The following RGS11 variants were observed in gnomAD, a reference collection of about 807,000 sequenced individuals.
The protein encoded by RGS11 is regulator of G protein signaling 11.
In RGS11, 86 loss-of-function variants were observed where a neutral mutation model predicts 71.1. The observed-to-expected ratio is 1.21, with a 90% CI of 1.02 to 1.45. The LOEUF (loss-of-function observed/expected upper bound fraction) is 1.45, where lower values mean the gene tolerates loss of function less well. Among genes scored for constraint, RGS11 ranks in the 40% most tolerant of loss-of-function variants. The probability of loss-of-function intolerance (pLI) is 0.00; values close to 1 mark genes in which losing one functional copy is unlikely to be tolerated. For synonymous variants in RGS11, 298 were observed against 254.2 expected (o/e 1.17, Z -1.64); for missense variants, 734 against 635.1 (o/e 1.16, Z -1.67).
intron 2 of RGS11, 22 bp downstream of exon 2, chr16:275,380 C>A (rs774694777): frequency 1.9e-6 from 3 of 1,609,424 alleles, no homozygotes; most frequent in African/African-American, 2.7e-5. Context: ...CGCGCACGCA[C>A]CCCCGCCCCG....
intron 1 of RGS11, 33 bp downstream of exon 1, chr16:275,816 C>T: frequency 2.0e-6 from 2 of 996,232 alleles, no homozygotes; most frequent in Non-Finnish European, 2.5e-6. Flanking sequence ...GCCGGGAAAT[C>T]GGGGGACGGC....
chr16:272,224 C>G (rs902106762), intron 9 of RGS11: 1 of 1,186,516 alleles, frequency 8.4e-7, no homozygotes, highest in Non-Finnish European at 1.1e-6. Context: ...ACTGGGGAAC[C>G]AGGTGTGACC....
Position 270,574 on chromosome 16 carries a change from G to C in RGS11, c.1155C>G (p.His385Gln). 1 of 1,608,954 alleles carries C rather than the reference G, an allele frequency of 6.2e-7. No homozygotes were observed. The highest frequency in any genetic ancestry group is 8.5e-7 in the Non-Finnish European group (1 of 1,178,234). Residue 385 changes from histidine (H) to glutamine (Q), a missense_variant, in exon 15 of 17, where the codon CAC becomes CAG. Transcript: ENST00000397770. ...GCTGGGCGTCATCCAGGACATAGCG[G>C]TGGGGCTGGCGCAGCCCCTCCAGGG... ...EQTLEGLRQP[H>Q]RYVLDDAQLH...
In RGS11 at chr16:268,795, G is replaced by T. The variant is rs761134807; in HGVS notation, c.*474C>A. 3 of 1,550,208 alleles carry T rather than the reference G, an allele frequency of 1.9e-6. No homozygotes were observed. The African/African-American group carries it at 4.1e-5, about 21-fold the overall frequency. ...TTCCAGGCTCACACTGGGCGACAGC[G>T]GAGAGGCTCTTGGACGGGGCAGAGC... On this transcript the variant is annotated 3_prime_UTR_variant, in exon 17 of 17. Transcript: ENST00000397770.
chr16:275,912 G>A lies in RGS11; in HGVS notation c.-1C>T. 1 of 772,540 alleles carries A rather than the reference G, an allele frequency of 1.3e-6. No homozygotes were observed. Among genetic ancestry groups the A allele is most frequent in the Non-Finnish European group, 1.6e-6 (1 of 630,012 alleles). The allele number at this position is 772,540 out of a possible 1,614,324, so 47.9% of individuals were successfully genotyped here. A position where few individuals can be genotyped will look rare whatever the true frequency, so the allele number is the denominator to read the frequency against. ...GGGGCGGCGCGGGGCCGGCGGCCAT[G>A]GCTGCGGGGCGAGGCCGGCGGGGAT... is the stretch of plus-strand genomic sequence containing the variant. On this transcript the variant is annotated 5_prime_UTR_variant, in exon 1 of 17. Coordinates refer to ENST00000397770, the MANE Select transcript of RGS11 (RefSeq NM_183337.3).
Position 268,538 on chromosome 16 carries a change from G to A in RGS11, c.*731C>T. 3.4e-6 allele frequency: 2 copies of A among 581,808 alleles called. No individual in the cohort carries two copies. The highest frequency in any genetic ancestry group is 3.0e-5 in the Admixed American group (1 of 33,458). 36.0% of individuals were successfully genotyped at this position (581,808 alleles called of 1,614,324 possible). Reference sequence around the variant, plus strand: ...CACGAAGGAAGACTTGGGCAGGGAGGATCAGGGACGCCTGGCAAGGATCCA... The same window carrying A: ...CACGAAGGAAGACTTGGGCAGGGAGAATCAGGGACGCCTGGCAAGGATCCA... On this transcript the variant is annotated 3_prime_UTR_variant, in exon 17 of 17. Transcript: ENST00000397770.
intron 9 of RGS11, chr16:272,472 C>T (rs1369561236): frequency 1.5e-6 from 2 of 1,334,804 alleles, no homozygotes; most frequent in Non-Finnish European, 9.8e-7. Flanking sequence ...TGGTCTGGTC[C>T]CTCTGGTTCT....
rs997588144 is a variant in RGS11, at chr16:272,747, C to T, written c.657+116G>A. The T allele has an allele frequency of 8.6e-6, 13 of 1,511,198 alleles. No individual in the cohort carries two copies. The African/African-American group carries it at 1.1e-4, about 13-fold the overall frequency. The allele number at this position is 1,511,198 out of a possible 1,614,324, so 93.6% of individuals were successfully genotyped here. ...GAGCAGGGGCTTGGGGAGGCTGCAC[C>T]AAGTGCCCTCTGGGTGGACCAAATG... On this transcript the variant is annotated intron_variant, in intron 9 of 16. Coordinates refer to ENST00000397770, the MANE Select transcript of RGS11 (RefSeq NM_183337.3).
Position 269,230 on chromosome 16 carries a change from T to G in RGS11, c.*39A>C. The G allele has an allele frequency of 1.7e-4, 241 of 1,392,900 alleles. No individual in the cohort carries two copies. The highest frequency in any genetic ancestry group is 2.2e-4 in the Non-Finnish European group (223 of 1,003,938). The allele number at this position is 1,392,900 out of a possible 1,614,324, so 86.3% of individuals were successfully genotyped here. ...TGGCTGCTGCATTCACGCAGGACGTTGAGCTGCAGGGACTAGAGTGGCAGA... is the reference window on the plus strand; with the variant it reads ...TGGCTGCTGCATTCACGCAGGACGTGGAGCTGCAGGGACTAGAGTGGCAGA... On this transcript the variant is annotated 3_prime_UTR_variant, in exon 17 of 17. Transcript: ENST00000397770.
rs1238886519 is a variant in RGS11, at chr16:269,127, A to G, written c.*142T>C. 1.3e-5 allele frequency: 12 copies of G among 899,518 alleles called. No individual in the cohort carries two copies. The highest frequency in any genetic ancestry group is 2.0e-5 in the Admixed American group (1 of 49,656). 55.7% of individuals were successfully genotyped at this position (899,518 alleles called of 1,614,324 possible). On this transcript the variant is annotated 3_prime_UTR_variant, in exon 17 of 17. Coordinates refer to ENST00000397770, the MANE Select transcript of RGS11 (RefSeq NM_183337.3). ...GAGGGAGGGAGGCTGTGCACCCCAC[A>G]GAAGACTGGGCCCCCTGGGCACAAG...
rs554055836 is a variant in RGS11 at position 269,321 on chromosome 16, G to A, written c.1352C>T (p.Pro451Leu). Residue 451 changes from proline to leucine, a missense_variant, in exon 17 of 17, where the codon CCT (proline) becomes CTT (leucine). Transcript: ENST00000397770. ...SSPSPALLPTPVEPTAACGPG... is the reference protein window; with the variant it reads ...SSPSPALLPTLVEPTAACGPG... ...GCCACAAGCCGCTGTGGGCTCCACA[G>A]GGGTGGGAAGGAGTGCAGGGCTGGG... The A allele has an allele frequency of 5.0e-6, 8 of 1,599,980 alleles. No individual in the cohort carries two copies. The African/African-American group carries it at 9.3e-5, about 19-fold the overall frequency.
At chr16:269,446 G>A (rs1165883482) in intron 16 of RGS11, 57 bp downstream of exon 16, 3 of 1,596,124 alleles carry the variant, frequency 1.9e-6, no homozygotes, top group Non-Finnish European at 2.6e-6. Flanking sequence ...CCTCACTGCA[G>A]GGCCCCAGCA....
intron 11 of RGS11, 31 bp downstream of exon 11, chr16:271,368 G>T (rs1351125339): frequency 6.2e-7 from 1 of 1,613,020 alleles, no homozygotes; most frequent in African/African-American, 1.3e-5. Context: ...CTCAGCAGGG[G>T]TCTCCAGCTG....
intron 12 of RGS11, 35 bp downstream of exon 12, chr16:271,167 C>T: frequency 1.2e-6 from 2 of 1,606,514 alleles, no homozygotes; most frequent in Non-Finnish European, 1.7e-6. Flanking sequence ...AGGCTGGGAG[C>T]ACACCCGCAG....
In RGS11 at chr16:273,943, G is replaced by A. The variant is rs1236460676; in HGVS notation, c.429+100C>T. On this transcript the variant is annotated intron_variant, in intron 6 of 16. Coordinates refer to ENST00000397770, the MANE Select transcript of RGS11 (RefSeq NM_183337.3). ...TGTCTTGGGTTTTGGGGCCTGGGCT[G>A]TATGTTCTGGGGTAAACCGTGAAGC... 4 of 1,452,658 alleles carry A rather than the reference G, an allele frequency of 2.8e-6. No homozygotes were observed. The Admixed American group carries it at 5.2e-5, about 19-fold the overall frequency. 90.0% of individuals were successfully genotyped at this position (1,452,658 alleles called of 1,614,324 possible). A position where few individuals can be genotyped will look rare whatever the true frequency, so the allele number is the denominator to read the frequency against.
chr16:268,989 G>A lies in RGS11; in HGVS notation c.*280C>T. 1 of 1,503,502 alleles carries A rather than the reference G, an allele frequency of 6.7e-7. No homozygotes were observed. The highest frequency in any genetic ancestry group is 9.1e-7 in the Non-Finnish European group (1 of 1,104,364). The allele number at this position is 1,503,502 out of a possible 1,614,324, so 93.1% of individuals were successfully genotyped here. ...GAAGGTGGAGCTCCCTGTGGCCTTGGTCTCACCTCTCTTCAGGTAACAGGC... is the reference window on the plus strand; with the variant it reads ...GAAGGTGGAGCTCCCTGTGGCCTTGATCTCACCTCTCTTCAGGTAACAGGC... On this transcript the variant is annotated 3_prime_UTR_variant, in exon 17 of 17. Transcript: ENST00000397770.
At chr16:272,246 G>A (rs1455981918) in intron 9 of RGS11, 2 of 1,205,870 alleles carry the variant, frequency 1.7e-6, no homozygotes, top group South Asian at 1.5e-5. Context: ...TCATTGGTCG[G>A]CACCTCGCTG....
chr16:273,319 A>G lies in RGS11; in HGVS notation c.588+156T>C, dbSNP rs138129056. Among the ~76,000 whole-genome samples the G allele has an allele frequency of 1.1e-4, 16 of 152,290 alleles. No homozygotes were observed. In the East Asian group the frequency reaches 3.1e-3, roughly 29 times the overall value. ...CTGGGTTCTGATTGGCAGAAACGCA[A>G]CTAAGTCACGAAGTGAAAACGTCCT... is the stretch of plus-strand genomic sequence containing the variant. On this transcript the variant is annotated intron_variant, in intron 8 of 16. Transcript: ENST00000397770.
intron 15 of RGS11, 125 bp from the exon 16 acceptor site, chr16:269,710 G>T: frequency 2.7e-6 from 2 of 749,472 alleles, no homozygotes; most frequent in Non-Finnish European, 4.4e-6. Context: ...CGGACAGGGT[G>T]CTGGAGGCAG....
Sources: gnomAD v4.1 joint callset for allele counts (sites outside exome capture counted in the v4.1 genomes callset) on GRCh38, gnomAD v4.1.1 for gene constraint, MANE v1.5 for transcripts, NCBI Gene and HGNC (gene_info 2026-07-23, HGNC 2026-07-21) for gene names.